PCDHA7: variants seen among roughly 807,000 people sequenced by gnomAD.
PCDHA7 encodes the protein protocadherin alpha 7, also known as protocadherin alpha-7.
In PCDHA7, 37 loss-of-function variants were observed where a neutral mutation model predicts 57.2. The observed-to-expected ratio is 0.65, with a 90% CI of 0.50 to 0.85. The LOEUF is 0.85. Among genes scored for constraint, PCDHA7 ranks in the 40% least tolerant of loss-of-function variants. PCDHA7 has a pLI of 0.00. For missense variants in PCDHA7, 1,188 were observed against 1,241.8 expected, an observed-to-expected ratio of 0.96 and a Z score of 0.65; for synonymous variants, 553 against 558.8, an observed-to-expected ratio of 0.99 and a Z score of 0.15.
chr5:140,928,697 G>C, intron 1 of PCDHA7: 9 of 1,614,124 alleles, frequency 5.6e-6, no homozygotes, highest in Non-Finnish European at 5.9e-6. Context: ...CACATCTCCC[G>C]GGCGTCTGAC....
At chr5:140,957,255 T>C (rs577479092) in intron 1 of PCDHA7, among the ~76,000 whole-genome samples, 88 of 152,306 alleles carry the variant, frequency 5.8e-4, no homozygotes, top group Non-Finnish European at 1.0e-3. Flanking sequence ...AAAATTTAAA[T>C]ATGTAAGCAC....
At chr5:140,927,524 C>T in intron 1 of PCDHA7, 3 of 1,614,104 alleles carry the variant, frequency 1.9e-6, no homozygotes, top group Non-Finnish European at 2.5e-6. Flanking sequence ...GGCGGGCTAC[C>T]TGCCCGCTCA....
At chr5:140,996,129 G>A (rs190965499) in intron 3 of PCDHA7, among the ~76,000 whole-genome samples, 1 of 152,210 alleles carries the variant, frequency 6.6e-6, no homozygotes, top group Non-Finnish European at 1.5e-5. Flanking sequence ...TGGTGTAGAG[G>A]GTTCTCCCAT....
chr5:140,873,928 T>C (rs944678136), intron 1 of PCDHA7, among the ~76,000 whole-genome samples: 1 of 152,216 alleles, frequency 6.6e-6, no homozygotes, highest in Non-Finnish European at 1.5e-5. Flanking sequence ...CCCAAAGTGC[T>C]GGGATTACAG....
chr5:140,991,445 A>G (rs1352709310), intron 3 of PCDHA7, among the ~76,000 whole-genome samples: 1 of 152,222 alleles, frequency 6.6e-6, no homozygotes, highest in African/African-American at 2.4e-5. Flanking sequence ...CATGGCTTAA[A>G]ACAACACAAT....
intron 1 of PCDHA7, among the ~76,000 whole-genome samples, chr5:140,965,009 T>C (rs2153742434): frequency 6.6e-6 from 1 of 152,248 alleles, no homozygotes; most frequent in South Asian, 2.1e-4. Context: ...GGTGTCAGGA[T>C]CACAACCTTG....
intron 1 of PCDHA7, chr5:140,842,539 G>A (rs182995378): frequency 1.2e-6 from 2 of 1,610,436 alleles, no homozygotes; most frequent in African/African-American, 1.3e-5. Context: ...ATTACTACTC[G>A]TTGGTGCTGG....
rs781789539 is a variant in PCDHA7 at position 140,856,760 on chromosome 5, G to C, written c.2355+20022G>C. 3.8e-6 allele frequency: 6 copies of C among 1,596,522 alleles called. 2 individuals are homozygous for C. Among genetic ancestry groups the C allele is most frequent in the Non-Finnish European group, 5.1e-6 (6 of 1,166,548 alleles). On this transcript the variant is annotated intron_variant, in intron 1 of 3. Transcript: ENST00000525929. ...CCTGGTGTTAGATGCCAATGATAAC[G>C]CCCCTATCTTTGACAGACCGGTTTA...
At chr5:140,877,299 C>G (rs374061607) in intron 1 of PCDHA7, 2 of 1,613,924 alleles carry the variant, frequency 1.2e-6, no homozygotes, top group Admixed American at 1.7e-5. Context: ...GGCTGTCCTA[C>G]GAGTTGCAAC....
At chr5:141,003,928 G>A (rs1479798792) in intron 3 of PCDHA7, among the ~76,000 whole-genome samples, 1 of 152,128 alleles carries the variant, frequency 6.6e-6, no homozygotes, top group Non-Finnish European at 1.5e-5. Context: ...CCTCAGTCTT[G>A]TCTTTGCCTG....
chr5:140,856,440 G>A, intron 1 of PCDHA7: 1 of 1,598,404 alleles, frequency 6.3e-7, no homozygotes, highest in Non-Finnish European at 8.6e-7. Context: ...AACCCGCCCA[G>A]GTTCTCCGTA....
intron 1 of PCDHA7, chr5:140,877,760 G>C (rs782609531): frequency 6.2e-7 from 1 of 1,614,194 alleles, no homozygotes; most frequent in South Asian, 1.1e-5. Context: ...TCTGCAGAGA[G>C]CCCGCCCAAG....
rs78257345 is a variant in PCDHA7 at position 140,892,116 on chromosome 5, T to C, written c.2355+55378T>C. Among the ~76,000 whole-genome samples the C allele has an allele frequency of 8.0e-3, 1,216 of 152,346 alleles. 6 individuals are homozygous for C. The highest frequency in any genetic ancestry group is 0.019 in the African/African-American group (786 of 41,576). On this transcript the variant is annotated intron_variant, in intron 1 of 3. Transcript: ENST00000525929. ...AACTTTCAAGCTTGGCATTTATATCTGGAACACAATAAGCTCATGGTTTTA... is the reference window on the plus strand; with the variant it reads ...AACTTTCAAGCTTGGCATTTATATCCGGAACACAATAAGCTCATGGTTTTA...
chr5:140,997,409 A>G (rs1378198322), intron 3 of PCDHA7, among the ~76,000 whole-genome samples: 2 of 152,180 alleles, frequency 1.3e-5, no homozygotes, highest in Non-Finnish European at 1.5e-5. Flanking sequence ...CGTATGGCCT[A>G]TTTCTCCTAG....
chr5:140,936,151 C>T (rs947807537), intron 1 of PCDHA7, among the ~76,000 whole-genome samples: 66 of 152,246 alleles, frequency 4.3e-4, no homozygotes, highest in African/African-American at 1.5e-3. Context: ...CCTTGGCCTC[C>T]TAAAGTGCTG....
At chr5:140,896,661 G>A (rs553525837) in intron 1 of PCDHA7, among the ~76,000 whole-genome samples, 1 of 152,220 alleles carries the variant, frequency 6.6e-6, no homozygotes. Context: ...ACAGGCATGA[G>A]TCACTGTGCC....
chr5:140,899,468 G>C (rs1243330987), intron 1 of PCDHA7, among the ~76,000 whole-genome samples: 2 of 152,080 alleles, frequency 1.3e-5, no homozygotes, highest in African/African-American at 4.8e-5. Context: ...TTTGTCTTTG[G>C]TTCTGTTTAT....
intron 1 of PCDHA7, among the ~76,000 whole-genome samples, chr5:140,891,122 G>A (rs572236105): frequency 1.3e-5 from 2 of 152,256 alleles, no homozygotes; most frequent in African/African-American, 4.8e-5. Flanking sequence ...CAATCTAAAT[G>A]TCATTCCTTT....
chr5:140,994,272 C>G (rs1400320599), intron 3 of PCDHA7, among the ~76,000 whole-genome samples: 1 of 152,168 alleles, frequency 6.6e-6, no homozygotes, highest in Non-Finnish European at 1.5e-5. Context: ...GCTAGGCTGC[C>G]TTTCTTGAGA....
Sources: gnomAD v4.1 joint callset for allele counts (sites outside exome capture counted in the v4.1 genomes callset) on GRCh38, gnomAD v4.1.1 for gene constraint, MANE v1.5 for transcripts, NCBI Gene and HGNC (gene_info 2026-07-23, HGNC 2026-07-21) for gene names.